VPS35: variants seen among roughly 807,000 people sequenced by gnomAD.
VPS35 encodes VPS35 retromer complex component, also known as vacuolar protein sorting-associated protein 35.
In VPS35, 21 loss-of-function variants were observed where a neutral mutation model predicts 98.1. That is an observed-to-expected ratio of 0.21 (90% confidence interval 0.15 to 0.31). The LOEUF (loss-of-function observed/expected upper bound fraction) is 0.31. Among genes scored for constraint, VPS35 ranks in the 10% least tolerant of loss-of-function variants. The probability of loss-of-function intolerance (pLI) is 1.00; values close to 1 mark genes in which losing one functional copy is unlikely to be tolerated. For synonymous variants in VPS35, 268 were observed against 318.2 expected (o/e 0.84, Z 1.68); for missense variants, 554 against 950.8 (o/e 0.58, Z 5.49).
chr16:46,679,218 T>C, intron 5 of VPS35, 62 bp from the exon 6 acceptor site: 1 of 1,412,212 alleles, frequency 7.1e-7, no homozygotes, highest in Non-Finnish European at 9.8e-7. Flanking sequence ...ACTATCCTTC[T>C]CCTTTGTGTA....
chr16:46,671,889 C>T (rs368853028), intron 11 of VPS35, 29 bp from the exon 12 acceptor site: 19 of 1,611,472 alleles, frequency 1.2e-5, no homozygotes, highest in African/African-American at 5.3e-5. Flanking sequence ...AAGAAACCCA[C>T]TGAGGTGAAA....
At chr16:46,675,350 A>G (rs1176755542) in intron 8 of VPS35, among the ~76,000 whole-genome samples, 1 of 152,220 alleles carries the variant, frequency 6.6e-6, no homozygotes, top group Non-Finnish European at 1.5e-5. Flanking sequence ...AAATACAACT[A>G]AGTCTAAAAT....
At chr16:46,687,414 C>G (rs1210292014) in intron 1 of VPS35, among the ~76,000 whole-genome samples, 1 of 152,298 alleles carries the variant, frequency 6.6e-6, no homozygotes, top group South Asian at 2.1e-4. Flanking sequence ...GCACACTGAA[C>G]GTTTTGGCTT....
intron 16 of VPS35, 157 bp from the exon 17 acceptor site, chr16:46,660,808 ATTAC>A (rs1162041464): frequency 1.1e-4 from 51 of 461,846 alleles, no homozygotes; most frequent in Non-Finnish European, 1.9e-4. Flanking sequence ...AGTTTGAACA[ATTAC>A]TGACTATCAA....
intron 14 of VPS35, among the ~76,000 whole-genome samples, 182 bp downstream of exon 14, chr16:46,662,801 A>T (rs1051020723): frequency 9.2e-5 from 14 of 152,252 alleles, no homozygotes; most frequent in African/African-American, 3.1e-4. Context: ...AGATTTCATC[A>T]GCAAATGATC....
At position 46,674,995 on chromosome 16, in the gene VPS35, T is replaced by C. The variant is rs1419910670; in HGVS notation, c.915-335A>G. On this transcript the variant is annotated intron_variant, in intron 8 of 16. Coordinates refer to ENST00000299138, the MANE Select transcript of VPS35 (RefSeq NM_018206.6). ...TTTCTGTAGTGATGGGGTTTCACCA[T>C]GTTGCCCAGGGTGGTACTGACCTGG... Among the ~76,000 whole-genome samples the C allele has an allele frequency of 5.2e-5, 3 of 58,126 alleles. 1 individual carries two copies. Among genetic ancestry groups the C allele is most frequent in the Non-Finnish European group, 1.2e-4 (3 of 24,280 alleles). The allele number at this position is 58,126 out of a possible 152,430, so 38.1% of individuals were successfully genotyped here.
chr16:46,681,563 T>C, intron 3 of VPS35, 63 bp from the exon 4 acceptor site: 1 of 1,586,168 alleles, frequency 6.3e-7, no homozygotes, highest in East Asian at 2.3e-5. Context: ...CTTTGAAACT[T>C]GTTGGAGTCA....
At chr16:46,677,779 A>C (rs1420097608) in intron 6 of VPS35, 2 of 233,796 alleles carry the variant, frequency 8.6e-6, no homozygotes, top group African/African-American at 4.6e-5. Context: ...CAAGTGATCC[A>C]TCTGCCTTGG....
At chr16:46,680,615 A>T in intron 5 of VPS35, 56 bp downstream of exon 5, 1 of 1,561,098 alleles carries the variant, frequency 6.4e-7, no homozygotes, top group Non-Finnish European at 8.8e-7. Flanking sequence ...CCACACTTTT[A>T]TACATTCTAC....
rs1965920785 is a variant in VPS35 at position 46,661,973 on chromosome 16, T to C, written c.2068-112A>G. 1.4e-6 allele frequency: 2 copies of C among 1,451,646 alleles called. No homozygotes were observed. The highest frequency in any genetic ancestry group is 2.8e-5 in the African/African-American group (2 of 70,670). 89.9% of individuals were successfully genotyped at this position (1,451,646 alleles called of 1,614,324 possible). ...TCGTGTTTTAAAGGGACATAACAAA[T>C]TTAAATCCTTTTCATTCTCCTTCTT... On this transcript the variant is annotated intron_variant, in intron 15 of 16. Transcript: ENST00000299138. This position sits in a 1 kb window ranked among gnomAD's most constrained non-coding sequence, Gnocchi z 4.3.
rs749358646 is a variant in VPS35, at chr16:46,689,169, C to A, written c.-36G>T. ...CAGAGCCTGCAGCAAGCAGCACCCG[C>A]CCCGCGCGTAGCCTCCCGCGGTCAT... On this transcript the variant is annotated 5_prime_UTR_variant, in exon 1 of 17. Transcript: ENST00000299138. The A allele has an allele frequency of 6.2e-7, 1 of 1,603,454 alleles. No homozygotes were observed. Among genetic ancestry groups the A allele is most frequent in the Non-Finnish European group, 8.5e-7 (1 of 1,176,112 alleles).
At chr16:46,683,388 T>C (rs538960883) in intron 2 of VPS35, 120 bp downstream of exon 2, 25 of 931,052 alleles carry the variant, frequency 2.7e-5, no homozygotes, top group Middle Eastern at 3.1e-4. Flanking sequence ...AGACTGAAGA[T>C]AGATGCTGGT....
chr16:46,677,647 C>A, intron 6 of VPS35: 1 of 464,018 alleles, frequency 2.2e-6, no homozygotes, highest in Non-Finnish European at 4.0e-6. Flanking sequence ...GTCATCCTCC[C>A]ACCTCAAGCC....
intron 4 of VPS35, 118 bp downstream of exon 4, chr16:46,681,259 T>C (rs1966230248): frequency 2.2e-6 from 3 of 1,351,264 alleles, no homozygotes; most frequent in Admixed American, 1.7e-5. Flanking sequence ...ACCAAAATGT[T>C]CATCTCAATT....
In VPS35 at chr16:46,661,868, T is replaced by G. The variant is rs1437999175; in HGVS notation, c.2068-7A>C. 1 of 1,614,096 alleles carries G rather than the reference T, an allele frequency of 6.2e-7. No individual in the cohort carries two copies. Among genetic ancestry groups the G allele is most frequent in the Non-Finnish European group, 8.5e-7 (1 of 1,179,990 alleles). The stretch of plus-strand genomic sequence containing the variant: ...CCCTCTTGCCTCCGTGAAGCTAAAA[T>G]AAAAGGGCAGGGGGACAGTGAAGAG... On this transcript the variant is annotated splice_polypyrimidine_tract_variant and splice_region_variant and intron_variant, in intron 15 of 16. Transcript: ENST00000299138. This position sits in a 1 kb window ranked among gnomAD's most constrained non-coding sequence, Gnocchi z 4.3.
intron 1 of VPS35, among the ~76,000 whole-genome samples, chr16:46,684,039 T>C (rs1966276552): frequency 6.6e-6 from 1 of 152,192 alleles, no homozygotes; most frequent in Non-Finnish European, 1.5e-5. Context: ...TTACCAATTA[T>C]TAACAGCTGC....
At position 46,658,484 on chromosome 16, in the gene VPS35, TTTA is replaced by T. The variant is rs1965861881; in HGVS notation, c.*1985_*1987del. 6.5e-6 allele frequency: 1 copy of T among 153,802 alleles called. No homozygotes were observed. Among genetic ancestry groups the T allele is most frequent in the Admixed American group, 6.5e-5 (1 of 15,290 alleles). 9.5% of individuals were successfully genotyped at this position (153,802 alleles called of 1,614,324 possible). A position where few individuals can be genotyped will look rare whatever the true frequency, so the allele number is the denominator to read the frequency against. On this transcript the variant is annotated 3_prime_UTR_variant, in exon 17 of 17. Coordinates refer to ENST00000299138, the MANE Select transcript of VPS35 (RefSeq NM_018206.6). The stretch of plus-strand genomic sequence containing the variant: ...TTTCACTTTTATTTACTTTTGTTGG[TTTA>T]TTATTTTTAAAATTGGGTTTACCTC...
At chr16:46,684,544 T>G (rs956931125) in intron 1 of VPS35, among the ~76,000 whole-genome samples, 5 of 152,248 alleles carry the variant, frequency 3.3e-5, no homozygotes, top group African/African-American at 1.2e-4. Flanking sequence ...CTCTTCTCTT[T>G]GCCATCAGCA....
At chr16:46,682,367 A>G in intron 2 of VPS35, 192 bp from the exon 3 acceptor site, 1 of 559,848 alleles carries the variant, frequency 1.8e-6, no homozygotes, top group Non-Finnish European at 3.2e-6. Context: ...AGAAAAAGAT[A>G]CATGATTCTT....
Sources: allele counts gnomAD v4.1 joint callset (sites outside exome capture counted in the v4.1 genomes callset), GRCh38; gene constraint gnomAD v4.1.1; non-coding constraint Gnocchi (gnomAD v3.1); transcripts MANE v1.5; gene names NCBI Gene and HGNC (gene_info 2026-07-23, HGNC 2026-07-21).